The following MYO1F variants were observed in gnomAD, a reference collection of about 807,000 sequenced individuals.
MYO1F encodes unconventional myosin-If.
A neutral mutation model predicts 146.6 loss-of-function variants in MYO1F; 60 were observed. That is an observed-to-expected ratio of 0.41 (90% CI 0.33 to 0.51). The LOEUF (loss-of-function observed/expected upper bound fraction) is 0.51, where lower values mean the gene tolerates loss of function less well. Among genes scored for constraint, MYO1F ranks in the 20% least tolerant of loss-of-function variants. MYO1F has a pLI of 0.25. For synonymous variants in MYO1F, 602 were observed against 602.1 expected (o/e 1.00, Z 0.00); for missense variants, 1,274 against 1,534.3 (o/e 0.83, Z 2.83).
At chr19:8,567,863 T>A (rs908820642) in intron 1 of MYO1F, among the ~76,000 whole-genome samples, 9 of 152,160 alleles carry the variant, frequency 5.9e-5, no homozygotes, top group African/African-American at 2.2e-4. Flanking sequence ...CAATTTCCCC[T>A]TTGGGGGCCA....
intron 1 of MYO1F, among the ~76,000 whole-genome samples, chr19:8,569,011 C>G (rs1348832031): frequency 6.6e-6 from 1 of 152,156 alleles, no homozygotes; most frequent in East Asian, 1.9e-4. Context: ...AAAAAATGCG[C>G]CGAGATGCCT....
At chr19:8,544,037 G>GGTGGCA (rs1487368935) in intron 14 of MYO1F, 170 of 539,488 alleles carry the variant, frequency 3.2e-4, no homozygotes, top group Middle Eastern at 2.0e-3. Flanking sequence ...TGGCGGTGGC[G>GGTGGCA]GTGCTGGTGG....
intron 6 of MYO1F, 98 bp from the exon 7 acceptor site, chr19:8,552,262 C>T: frequency 7.6e-7 from 1 of 1,311,682 alleles, no homozygotes; most frequent in Non-Finnish European, 1.1e-6. Context: ...CTCTTCCCTT[C>T]TTCCTTTTTT....
chr19:8,544,572 G>C, intron 13 of MYO1F, 108 bp from the exon 14 acceptor site: 2 of 1,118,692 alleles, frequency 1.8e-6, no homozygotes, highest in Non-Finnish European at 2.5e-6. Context: ...AGTGGAGGGA[G>C]CTAGAGCTTT....
intron 19 of MYO1F, among the ~76,000 whole-genome samples, chr19:8,535,139 T>G (rs1441830729): frequency 1.3e-5 from 2 of 152,216 alleles, no homozygotes; most frequent in East Asian, 3.8e-4. Context: ...CTCAAACTCC[T>G]GACCTCAAGT....
intron 13 of MYO1F, 130 bp downstream of exon 13, chr19:8,545,520 C>G: frequency 2.5e-6 from 2 of 798,698 alleles, no homozygotes; most frequent in Non-Finnish European, 4.5e-6. Context: ...TTATCTGTCG[C>G]TGGAAGTCCT....
chr19:8,533,259 G>A (rs972831423), intron 19 of MYO1F, among the ~76,000 whole-genome samples: 1 of 151,960 alleles, frequency 6.6e-6, no homozygotes, highest in Non-Finnish European at 1.5e-5. Context: ...GAACTCCTGG[G>A]CTCAAGGAAT....
Position 8,544,326 on chromosome 19 carries a change from C to T in MYO1F, c.1495G>A (p.Gly499Ser), listed in dbSNP as rs763272747. 12 of 1,613,006 alleles carry T rather than the reference C, an allele frequency of 7.4e-6. No homozygotes were observed. Among genetic ancestry groups the T allele is most frequent in the Admixed American group, 1.7e-5 (1 of 59,978 alleles). The change falls in exon 14 of 28, where the codon GGC (glycine) becomes AGC (serine). Residue 499 changes from glycine to serine, a missense_variant. Coordinates refer to ENST00000644032, the MANE Select transcript of MYO1F (RefSeq NM_012335.4). ...THEHFNSWSA[G>S]FVIHHYAGKV... ...CCAGCGTAGTGGTGGATGACGAAGCCGGCGCTCCAGCTGTTGAAATGCTCG... is the reference window on the plus strand; with the variant it reads ...CCAGCGTAGTGGTGGATGACGAAGCTGGCGCTCCAGCTGTTGAAATGCTCG...
intron 4 of MYO1F, among the ~76,000 whole-genome samples, chr19:8,554,251 C>T (rs1973748993): frequency 6.6e-6 from 1 of 152,174 alleles, no homozygotes; most frequent in African/African-American, 2.4e-5. Context: ...GCCACTACAC[C>T]TGGCCTGAGG....
chr19:8,529,791 A>G (rs1181440429), intron 21 of MYO1F: 1 of 363,418 alleles, frequency 2.8e-6, no homozygotes, highest in African/African-American at 2.1e-5. Flanking sequence ...TGTGTCTGCT[A>G]TACTTGAGTG....
At chr19:8,558,669 T>C (rs1973954959) in intron 1 of MYO1F, among the ~76,000 whole-genome samples, 1 of 152,102 alleles carries the variant, frequency 6.6e-6, no homozygotes, top group South Asian at 2.1e-4. Context: ...ATAGGAGTGA[T>C]GGCAACTTGG....
In MYO1F at chr19:8,536,523, C is replaced by T. The variant is rs968861450; in HGVS notation, c.1874G>A (p.Arg625His). ...RVRRAGFAYR[R>H]QFAKFLQRYA... Reference sequence around the variant, plus strand: ...CCTCTGCAGGAATTTGGCGAACTGGCGGCGGTAGGCGAAGCCGGCTCTGCG... The same window carrying T: ...CCTCTGCAGGAATTTGGCGAACTGGTGGCGGTAGGCGAAGCCGGCTCTGCG... Residue 625 changes from arginine (R) to histidine (H), a missense_variant, in exon 18 of 28, where the codon CGC (arginine) becomes CAC (histidine). Physicochemically the swap from Arg to His is conservative, Grantham distance 29. Around this residue, in one of 2 missense-constraint regions of MYO1F, gnomAD observed 900 missense variants for 1,155.1 expected, o/e 0.78. Transcript: ENST00000644032. 11 of 1,612,826 alleles carry T rather than the reference C, an allele frequency of 6.8e-6. No homozygotes were observed. Among genetic ancestry groups the T allele is most frequent in the Non-Finnish European group, 9.3e-6 (11 of 1,179,758 alleles).
rs1206083211 is a variant in MYO1F at position 8,577,406 on chromosome 19, C to G, written c.-97G>C. 7.3e-7 allele frequency: 1 copy of G among 1,364,380 alleles called. No homozygotes were observed. Among genetic ancestry groups the G allele is most frequent in the Non-Finnish European group, 1.0e-6 (1 of 959,574 alleles). 84.5% of individuals were successfully genotyped at this position (1,364,380 alleles called of 1,614,324 possible). On this transcript the variant is annotated 5_prime_UTR_variant, in exon 1 of 28. Transcript: ENST00000644032. The surrounding 1 kb of genome is among the most constrained non-coding windows in gnomAD (Gnocchi z 4.3). ...TCTTGGGGGTGGCTTGGGCATGGCC[C>G]TGCTTCTGCCCGTTCACCGGACTCC...
Position 8,560,186 on chromosome 19 carries a change from G to A in MYO1F, c.4-4390C>T, listed in dbSNP as rs376859586. Among the ~76,000 whole-genome samples, 11 of 150,908 alleles carry A rather than the reference G, an allele frequency of 7.3e-5. No individual in the cohort carries two copies. The East Asian group carries it at 2.2e-3, about 30-fold the overall frequency. ...GGTTTGAACCTGGGTCTATTCAACA[G>A]CAAAGAACAGGTTCTTGGCTGGGCG... is the stretch of plus-strand genomic sequence containing the variant. On this transcript the variant is annotated intron_variant, in intron 1 of 27. Transcript: ENST00000644032.
intron 2 of MYO1F, 142 bp from the exon 3 acceptor site, chr19:8,554,885 TTG>T: frequency 2.3e-6 from 2 of 851,610 alleles, no homozygotes; most frequent in South Asian, 2.8e-5. Flanking sequence ...CTCGAGTCTC[TTG>T]GAAAAAACAG....
intron 2 of MYO1F, chr19:8,555,414 C>T (rs8104131): frequency 4.8e-6 from 1 of 207,442 alleles, no homozygotes; most frequent in Admixed American, 6.7e-5. Context: ...AAAGAACAAA[C>T]AGGGTTGGAT....
chr19:8,573,929 C>A (rs1203236446), intron 1 of MYO1F, among the ~76,000 whole-genome samples: 1 of 152,150 alleles, frequency 6.6e-6, no homozygotes, highest in East Asian at 1.9e-4. Flanking sequence ...CCACAGAAAG[C>A]AGCAGTCACC....
intron 12 of MYO1F, 36 bp downstream of exon 12, chr19:8,548,000 C>CCCCGCGG: frequency 1.5e-6 from 2 of 1,305,050 alleles, no homozygotes; most frequent in Non-Finnish European, 2.2e-6. Context: ...CACCCCCACC[C>CCCCGCGG]CAGGATCCCC....
At chr19:8,570,997 C>T (rs782664666) in intron 1 of MYO1F, among the ~76,000 whole-genome samples, 1 of 152,190 alleles carries the variant, frequency 6.6e-6, no homozygotes, top group Non-Finnish European at 1.5e-5. Context: ...TAAATGCTAG[C>T]GTTCCTCACT....
Sources: allele counts gnomAD v4.1 joint callset (sites outside exome capture counted in the v4.1 genomes callset), GRCh38; gene constraint gnomAD v4.1.1; regional missense constraint gnomAD v4.1.1; non-coding constraint Gnocchi (gnomAD v3.1); transcripts MANE v1.5; gene names NCBI Gene and HGNC (gene_info 2026-07-23, HGNC 2026-07-21).